The following PITPNM2 variants were observed in gnomAD, a reference collection of about 807,000 sequenced individuals.
The protein encoded by PITPNM2 is membrane-associated phosphatidylinositol transfer protein 2.
In PITPNM2, 35 loss-of-function variants were observed where a neutral mutation model predicts 132.2. The observed-to-expected ratio is 0.26, with a 90% CI of 0.20 to 0.35. The LOEUF (loss-of-function observed/expected upper bound fraction) is 0.35. Among genes scored for constraint, PITPNM2 ranks in the 10% least tolerant of loss-of-function variants. The pLI is 1.00. For missense variants in PITPNM2, 1,332 were observed against 1,912.0 expected (o/e 0.70, Z 5.66); for synonymous variants, 738 against 799.2 (o/e 0.92, Z 1.29).
Position 122,992,038 on chromosome 12 carries a change from C to T in PITPNM2, c.2404+461G>A, listed in dbSNP as rs2038211574. ...CTGGGACACACGCTGGGGCAGGGGT[C>T]GGGCCAAGCCTACCTGGACCTCCCC... On this transcript the variant is annotated intron_variant, in intron 16 of 25. Transcript: ENST00000320201. The surrounding 1 kb of genome is among the most constrained non-coding windows in gnomAD (Gnocchi z 6.5). The T allele has an allele frequency of 2.6e-6, 2 of 782,608 alleles. No homozygotes were observed. Among genetic ancestry groups the T allele is most frequent in the Non-Finnish European group, 3.5e-6 (2 of 574,026 alleles). 48.5% of individuals were successfully genotyped at this position (782,608 alleles called of 1,614,324 possible).
rs10606016 is a variant in PITPNM2, at chr12:123,052,077, GTT to G, written c.-95-17394_-95-17393del. Among the ~76,000 whole-genome samples the G allele has an allele frequency of 5.7e-3, 575 of 100,582 alleles. 2 individuals are homozygous for G. The highest frequency in any genetic ancestry group is 0.02 in the African/African-American group (555 of 27,412). 66.0% of individuals were successfully genotyped at this position (100,582 alleles called of 152,430 possible). On this transcript the variant is annotated intron_variant, in intron 2 of 25. Coordinates refer to ENST00000320201, the MANE Select transcript of PITPNM2 (RefSeq NM_020845.3). ...ACCACCATGCCCGGTTAATTTTATT[GTT>G]TTTTTTTTTTTTTTTTTTTGTATTT...
chr12:123,063,184 G>A (rs1478866147), intron 2 of PITPNM2, among the ~76,000 whole-genome samples: 2 of 152,238 alleles, frequency 1.3e-5, no homozygotes, highest in Non-Finnish European at 2.9e-5. Context: ...AGGGTAGGCA[G>A]GAATGAGGAA....
chr12:123,001,093 T>C lies in PITPNM2; in HGVS notation c.1114A>G (p.Met372Val). The C allele has an allele frequency of 6.2e-7, 1 of 1,614,210 alleles. No homozygotes were observed. Among genetic ancestry groups the C allele is most frequent in the Non-Finnish European group, 8.5e-7 (1 of 1,180,024 alleles). The change falls in exon 9 of 26, where the codon ATG becomes GTG. Residue 372 changes from methionine (M) to valine (V), a missense_variant. Transcript: ENST00000320201. ...GGCTCTGGGCTCTCGATCTTGTCCA[T>C]GAGGTCATTGGAGCTCCACTTGGTG... ...DITKWSSNDLMDKIESPEPED... is the reference protein window; with the variant it reads ...DITKWSSNDLVDKIESPEPED...
At chr12:123,038,596 T>C (rs766856829) in intron 2 of PITPNM2, among the ~76,000 whole-genome samples, 21 of 152,272 alleles carry the variant, frequency 1.4e-4, no homozygotes, top group Non-Finnish European at 2.1e-4. Flanking sequence ...CATGGGATTC[T>C]GCTCGGCAGA....
intron 1 of PITPNM2, among the ~76,000 whole-genome samples, chr12:123,144,067 T>A (rs1027971110): frequency 7.2e-5 from 11 of 152,204 alleles, no homozygotes; most frequent in African/African-American, 2.7e-4. Flanking sequence ...GCTTTCAAAT[T>A]CATTTTCAAA....
At chr12:123,059,123 G>A (rs1016107185) in intron 2 of PITPNM2, among the ~76,000 whole-genome samples, 4 of 152,238 alleles carry the variant, frequency 2.6e-5, no homozygotes, top group Admixed American at 2.6e-4. Flanking sequence ...ACCAGGCAGG[G>A]AGAAGGCCAA....
rs1336209138 is a variant in PITPNM2, at chr12:123,004,931, A to AC, written c.952+308_952+309insG. On this transcript the variant is annotated intron_variant, in intron 7 of 25. Transcript: ENST00000320201. The surrounding 1 kb of genome is among the most constrained non-coding windows in gnomAD (Gnocchi z 4.9). ...GGTTGATCCTTAATCTCAGGGTCTG[A>AC]AGTCTCCTAGGGTCCCCATCAGGAG... Among the ~76,000 whole-genome samples, 3 of 152,038 alleles carry AC rather than the reference A, an allele frequency of 2.0e-5. No homozygotes were observed. The highest frequency in any genetic ancestry group is 7.2e-5 in the African/African-American group (3 of 41,402).
At chr12:122,986,877 C>A in intron 23 of PITPNM2, 48 bp from the exon 24 acceptor site, 1 of 1,540,592 alleles carries the variant, frequency 6.5e-7, no homozygotes. Flanking sequence ...CCCTCCTGGG[C>A]CTCCCTGTCT....
intron 2 of PITPNM2, among the ~76,000 whole-genome samples, chr12:123,046,301 A>G (rs2040654847): frequency 6.6e-6 from 1 of 152,092 alleles, no homozygotes; most frequent in African/African-American, 2.4e-5. Flanking sequence ...ACACTTGGCA[A>G]CCAGACTCTT....
In PITPNM2 at chr12:123,074,525, A is replaced by G. The variant is rs527371562; in HGVS notation, c.-96+35860T>C. Among the ~76,000 whole-genome samples the G allele has an allele frequency of 1.3e-4, 20 of 151,916 alleles. 1 individual carries two copies. The East Asian group carries it at 3.7e-3, about 28-fold the overall frequency. On this transcript the variant is annotated intron_variant, in intron 2 of 25. Coordinates refer to ENST00000320201, the MANE Select transcript of PITPNM2 (RefSeq NM_020845.3). Reference sequence around the variant, plus strand: ...ACACACATGTCCATATGCACACAACACACACTCACATATACACCCCCCACA... The same window carrying G: ...ACACACATGTCCATATGCACACAACGCACACTCACATATACACCCCCCACA...
intron 3 of PITPNM2, among the ~76,000 whole-genome samples, chr12:123,021,389 T>C (rs115866380): frequency 0.017 from 2,633 of 152,310 alleles, 61 homozygotes; most frequent in African/African-American, 0.06. Flanking sequence ...TGAAGTACAA[T>C]GGCATGATCA....
At position 122,995,618 on chromosome 12, in the gene PITPNM2, G is replaced by A; in HGVS notation, c.1825C>T (p.His609Tyr). 6.2e-7 allele frequency: 1 copy of A among 1,604,328 alleles called. No individual in the cohort carries two copies. The highest frequency in any genetic ancestry group is 8.5e-7 in the Non-Finnish European group (1 of 1,179,146). ...CCGCCACCGCCACCACCGCAGCAGT[G>A]TGCTGCATTCATCAGGATGCCCGGG... ...LSPGILMNAAHCCGGGGGGGG... is the reference protein window; with the variant it reads ...LSPGILMNAAYCCGGGGGGGG... Residue 609 changes from histidine to tyrosine, a missense_variant, in exon 14 of 26, where the codon CAC becomes TAC. Coordinates refer to ENST00000320201, the MANE Select transcript of PITPNM2 (RefSeq NM_020845.3).
chr12:122,994,907 T>C lies in PITPNM2; in HGVS notation c.2127A>G (p.Thr709=). The C allele has an allele frequency of 1.2e-6, 2 of 1,612,230 alleles. No homozygotes were observed. The highest frequency in any genetic ancestry group is 8.5e-7 in the Non-Finnish European group (1 of 1,179,882). The stretch of plus-strand genomic sequence containing the variant: ...CAAAGTCAAACCTGCCCAGGGCACC[T>C]GTGCCATCCAGCATGGTGGAGCTGC... The part of the protein sequence containing the change: ...HSSSSTMLDG[T]GALGRFDFEI... Residue 709 remains threonine, a synonymous_variant, in exon 15 of 26, where the codon ACA becomes ACG. Coordinates refer to ENST00000320201, the MANE Select transcript of PITPNM2 (RefSeq NM_020845.3). The surrounding 1 kb of genome is among the most constrained non-coding windows in gnomAD (Gnocchi z 5.4).
rs1422477147 is a variant in PITPNM2, at chr12:122,993,836, G to C, written c.2233+965C>G. On this transcript the variant is annotated intron_variant, in intron 15 of 25. Transcript: ENST00000320201. The surrounding 1 kb of genome is among the most constrained non-coding windows in gnomAD (Gnocchi z 5.2). Reference sequence around the variant, plus strand: ...CTGAAGTCGCCAGTTTATGGAAGGGGAAGGCACTTGGGTGCTGAGTCCAGA... The same window carrying C: ...CTGAAGTCGCCAGTTTATGGAAGGGCAAGGCACTTGGGTGCTGAGTCCAGA... Among the ~76,000 whole-genome samples, 1 of 152,198 alleles carries C rather than the reference G, an allele frequency of 6.6e-6. No homozygotes were observed. The highest frequency in any genetic ancestry group is 1.5e-5 in the Non-Finnish European group (1 of 68,028).
chr12:123,064,255 G>A lies in PITPNM2; in HGVS notation c.-95-29570C>T, dbSNP rs2041341448. On this transcript the variant is annotated intron_variant, in intron 2 of 25. Coordinates refer to ENST00000320201, the MANE Select transcript of PITPNM2 (RefSeq NM_020845.3). The surrounding 1 kb of genome is among the most constrained non-coding windows in gnomAD (Gnocchi z 4.0). ...CTCCAAATTGGAAAATGGAAACCAA[G>A]AGAGCGACAGGGACTTGGTCAAGGT... Among the ~76,000 whole-genome samples, 1 of 152,240 alleles carries A rather than the reference G, an allele frequency of 6.6e-6. No individual in the cohort carries two copies. The highest frequency in any genetic ancestry group is 2.1e-4 in the South Asian group (1 of 4,836).
Position 122,996,779 on chromosome 12 carries a change from G to A in PITPNM2, c.1604C>T (p.Ala535Val). 1.2e-6 allele frequency: 2 copies of A among 1,611,184 alleles called. No homozygotes were observed. The highest frequency in any genetic ancestry group is 1.7e-6 in the Non-Finnish European group (2 of 1,179,312). ...GATGAAGTCCCCATAGGCAAGGTTG[G>A]CTCGCTGAATCACTGTGGCAACTGC... The part of the protein sequence containing the change: ...QEAVATVIQR[A>V]NLAYGDFIKS... Residue 535 changes from alanine to valine, a missense_variant, in exon 12 of 26, where the codon GCC becomes GTC. Around this residue, in one of 6 missense-constraint regions of PITPNM2, gnomAD observed 710 missense variants for 911.5 expected, o/e 0.78. Transcript: ENST00000320201.
intron 3 of PITPNM2, among the ~76,000 whole-genome samples, chr12:123,021,050 A>G (rs2039652626): frequency 6.6e-6 from 1 of 151,152 alleles, no homozygotes. Flanking sequence ...AAAAAAAAAA[A>G]AAAAAGAAAG....
At chr12:123,129,411 A>G (rs1593031035) in intron 1 of PITPNM2, among the ~76,000 whole-genome samples, 1 of 151,940 alleles carries the variant, frequency 6.6e-6, no homozygotes, top group East Asian at 1.9e-4. Flanking sequence ...TACTAAAAAT[A>G]CAAAAAAAAT....
intron 1 of PITPNM2, among the ~76,000 whole-genome samples, chr12:123,132,086 G>A (rs1236438094): frequency 6.6e-6 from 1 of 152,242 alleles, no homozygotes; most frequent in Non-Finnish European, 1.5e-5. Flanking sequence ...CGACAGAACT[G>A]TCTCCCACTC....
Sources: gnomAD v4.1 joint callset for allele counts (sites outside exome capture counted in the v4.1 genomes callset) on GRCh38, gnomAD v4.1.1 for gene constraint, gnomAD v4.1.1 regional missense constraint, Gnocchi (gnomAD v3.1) non-coding constraint, MANE v1.5 for transcripts, NCBI Gene and HGNC (gene_info 2026-07-23, HGNC 2026-07-21) for gene names.